Variants in PELI2 observed in about 807,000 individuals in gnomAD.
PELI2 encodes the protein E3 ubiquitin-protein ligase pellino homolog 2.
In PELI2, 23 loss-of-function variants were observed where a neutral mutation model predicts 42.3. The observed-to-expected ratio is 0.54, with a 90% CI of 0.39 to 0.77. The LOEUF (loss-of-function observed/expected upper bound fraction) is 0.77, where lower values mean the gene tolerates loss of function less well. PELI2 is among the 30% of genes least tolerant of loss of function. The probability of loss-of-function intolerance (pLI) is 0.00; values close to 1 mark genes in which losing one functional copy is unlikely to be tolerated. For synonymous variants in PELI2, 245 were observed against 212.2 expected (o/e 1.15, Z -1.34); for missense variants, 463 against 553.2 (o/e 0.84, Z 1.64).
intron 2 of PELI2, among the ~76,000 whole-genome samples, chr14:56,211,698 TAAAC>T (rs1047077436): frequency 6.6e-6 from 1 of 152,230 alleles, no homozygotes; most frequent in Non-Finnish European, 1.5e-5. Flanking sequence ...ATAAAAGTAT[TAAAC>T]AAATGTGTGT....
At chr14:56,259,247 C>T (rs1272103569) in intron 2 of PELI2, among the ~76,000 whole-genome samples, 1 of 152,024 alleles carries the variant, frequency 6.6e-6, no homozygotes, top group Non-Finnish European at 1.5e-5. Context: ...AAGGAGAAAA[C>T]AACAGATGGA....
chr14:56,243,099 T>C (rs185770504), intron 2 of PELI2, among the ~76,000 whole-genome samples: 208 of 152,344 alleles, frequency 1.4e-3, no homozygotes, highest in African/African-American at 4.9e-3. Context: ...GCGAGTTTTC[T>C]AGATGTCTGT....
At chr14:56,277,623 A>G (rs1357921659) in intron 2 of PELI2, among the ~76,000 whole-genome samples, 1 of 152,136 alleles carries the variant, frequency 6.6e-6, no homozygotes. Context: ...CCACAAAACC[A>G]GTTCCTGGTA....
chr14:56,225,598 C>T (rs1286300452), intron 2 of PELI2, among the ~76,000 whole-genome samples: 1 of 152,290 alleles, frequency 6.6e-6, no homozygotes, highest in Admixed American at 6.5e-5. Context: ...GGGGACACGC[C>T]AAGAGGGCTG....
At chr14:56,124,897 A>G (rs750878498) in intron 1 of PELI2, among the ~76,000 whole-genome samples, 2 of 152,214 alleles carry the variant, frequency 1.3e-5, no homozygotes, top group African/African-American at 2.4e-5. Context: ...TGAATGAAAC[A>G]TTGTGAGGGA....
chr14:56,122,777 G>A (rs549766040), intron 1 of PELI2, among the ~76,000 whole-genome samples: 2 of 152,188 alleles, frequency 1.3e-5, no homozygotes, highest in African/African-American at 4.8e-5. Flanking sequence ...TCACTTATGA[G>A]TGTAGGCAAC....
At chr14:56,198,113 A>G (rs1193493657) in intron 2 of PELI2, among the ~76,000 whole-genome samples, 1 of 152,196 alleles carries the variant, frequency 6.6e-6, no homozygotes, top group Non-Finnish European at 1.5e-5. Flanking sequence ...AGGAAGAAGC[A>G]ACGGGACTCT....
chr14:56,127,056 G>A (rs1434943576), intron 1 of PELI2, among the ~76,000 whole-genome samples: 1 of 152,140 alleles, frequency 6.6e-6, no homozygotes, highest in Non-Finnish European at 1.5e-5. Flanking sequence ...GTACTGTACG[G>A]TTTGAAAATC....
At chr14:56,174,832 A>T (rs780857926) in intron 1 of PELI2, among the ~76,000 whole-genome samples, 2 of 152,084 alleles carry the variant, frequency 1.3e-5, no homozygotes, top group Non-Finnish European at 2.9e-5. Flanking sequence ...GGACTAATAC[A>T]ACCAGGACGT....
At chr14:56,208,515 G>A (rs4901654) in intron 2 of PELI2, among the ~76,000 whole-genome samples, 61,280 of 152,182 alleles carry the variant, frequency 0.4, 13,051 homozygotes, top group South Asian at 0.53. Context: ...TGCAAAAGCA[G>A]TGGTGGGTAA....
In PELI2 at chr14:56,186,987, A is replaced by G. The variant is rs112960483; in HGVS notation, c.207+8523A>G. On this transcript the variant is annotated intron_variant, in intron 2 of 5. Coordinates refer to ENST00000267460, the MANE Select transcript of PELI2 (RefSeq NM_021255.3). ...GAAAAGAATCTTCTGCTGCAAATTA[A>G]AAAAACAAACATGGAGCATTAAAGT... Among the ~76,000 whole-genome samples, 716 of 152,274 alleles carry G rather than the reference A, an allele frequency of 4.7e-3. 4 individuals carry two copies. The highest frequency in any genetic ancestry group is 8.2e-3 in the Non-Finnish European group (555 of 68,028).
At chr14:56,276,625 G>T (rs1211552358) in intron 2 of PELI2, among the ~76,000 whole-genome samples, 1 of 152,152 alleles carries the variant, frequency 6.6e-6, no homozygotes, top group African/African-American at 2.4e-5. Context: ...ATTACCTGCT[G>T]CCCCGGAGCC....
intron 2 of PELI2, among the ~76,000 whole-genome samples, chr14:56,248,823 G>C (rs1049537732): frequency 2.6e-5 from 4 of 151,962 alleles, no homozygotes; most frequent in Non-Finnish European, 5.9e-5. Flanking sequence ...AACCCTCCCC[G>C]GGGGTTGCTG....
intron 2 of PELI2, among the ~76,000 whole-genome samples, chr14:56,188,872 G>C (rs1222264034): frequency 6.6e-6 from 1 of 152,146 alleles, no homozygotes; most frequent in African/African-American, 2.4e-5. Flanking sequence ...ATAAAATAGG[G>C]ATTTAGGCTG....
At chr14:56,134,382 C>G in intron 1 of PELI2, among the ~76,000 whole-genome samples, 1 of 152,124 alleles carries the variant, frequency 6.6e-6, no homozygotes, top group South Asian at 2.1e-4. Context: ...GGTTTCTTAT[C>G]TTTTCACTCT....
At position 56,118,494 on chromosome 14, in the gene PELI2, C is replaced by A. The variant is rs1434678759; in HGVS notation, c.-167C>A. 8.2e-6 allele frequency: 3 copies of A among 365,504 alleles called. No homozygotes were observed. Among genetic ancestry groups the A allele is most frequent in the East Asian group, 4.6e-5 (1 of 21,726 alleles). 22.6% of individuals were successfully genotyped at this position (365,504 alleles called of 1,614,324 possible). A position where few individuals can be genotyped will look rare whatever the true frequency, so the allele number is the denominator to read the frequency against. On this transcript the variant is annotated 5_prime_UTR_variant, in exon 1 of 6. Transcript: ENST00000267460. ...AGGCGGAGCAGCCGCGCAGCCACGA[C>A]GGAGCAGCAGCGGGACTGGCCGCCC... is the stretch of plus-strand genomic sequence containing the variant.
intron 3 of PELI2, among the ~76,000 whole-genome samples, chr14:56,280,955 G>A (rs1295137647): frequency 6.6e-6 from 1 of 151,806 alleles, no homozygotes; most frequent in Non-Finnish European, 1.5e-5. Context: ...ATATAAAATA[G>A]TTTTTAAAAT....
chr14:56,136,829 G>T (rs968522121), intron 1 of PELI2, among the ~76,000 whole-genome samples: 2 of 151,780 alleles, frequency 1.3e-5, no homozygotes, highest in Non-Finnish European at 2.9e-5. Flanking sequence ...TTGTAATTGT[G>T]CACTCTGAGA....
At chr14:56,287,303 T>G (rs1889677235) in intron 3 of PELI2, among the ~76,000 whole-genome samples, 1 of 152,222 alleles carries the variant, frequency 6.6e-6, no homozygotes, top group Non-Finnish European at 1.5e-5. Flanking sequence ...GCCTTTATAC[T>G]TTTCTCCATT....
Sources: allele counts gnomAD v4.1 joint callset (sites outside exome capture counted in the v4.1 genomes callset), GRCh38; gene constraint gnomAD v4.1.1; transcripts MANE v1.5; gene names NCBI Gene and HGNC (gene_info 2026-07-23, HGNC 2026-07-21).